The following CHAC2 variants were observed in gnomAD, a reference collection of about 807,000 sequenced individuals.
CHAC2 encodes ChaC glutathione specific gamma-glutamylcyclotransferase 2.
Under a neutral mutation model 16.9 loss-of-function variants are expected in CHAC2, and 20 were observed. That is an observed-to-expected ratio of 1.18 (90% CI 0.83 to 1.72). CHAC2 has a LOEUF of 1.72. Ranked by LOEUF, CHAC2 falls within the 40% of genes most tolerant of loss-of-function variation. The pLI is 0.00. For synonymous variants in CHAC2, 91 were observed against 77.3 expected (o/e 1.18, Z -0.93); for missense variants, 269 against 222.2 (o/e 1.21, Z -1.34).
intron 2 of CHAC2, among the ~76,000 whole-genome samples, 182 bp from the exon 3 acceptor site, chr2:53,773,960 G>A (rs908840361): frequency 1.2e-4 from 19 of 152,050 alleles, no homozygotes; most frequent in Non-Finnish European, 2.1e-4. Context: ...GCTTGAACCC[G>A]GGAGGCTGAG....
rs985376233 is a variant in CHAC2, at chr2:53,767,839, G to A, written c.-48G>A. ...CGGAGGCTTCAGTCCCCGGCGGCGC[G>A]GCGACAGCTAGGGTTCACGGCCACT... is the stretch of plus-strand genomic sequence containing the variant. On this transcript the variant is annotated 5_prime_UTR_variant, in exon 1 of 3. Transcript: ENST00000295304. 1.6e-5 allele frequency: 25 copies of A among 1,562,136 alleles called. No homozygotes were observed. In the East Asian group the frequency reaches 5.9e-4, roughly 37 times the overall value.
intron 1 of CHAC2, 61 bp from the exon 2 acceptor site, chr2:53,771,846 G>T: frequency 1.1e-6 from 1 of 889,702 alleles, no homozygotes; most frequent in Non-Finnish European, 1.8e-6. Context: ...TGTTGCTAAT[G>T]CTCAGCTACT....
At chr2:53,771,419 G>A (rs781681441) in intron 1 of CHAC2, among the ~76,000 whole-genome samples, 132 of 152,222 alleles carry the variant, frequency 8.7e-4, no homozygotes, top group Non-Finnish European at 1.7e-3. Context: ...AGGCTGAGGT[G>A]AGAGAATTGC....
intron 2 of CHAC2, among the ~76,000 whole-genome samples, 183 bp from the exon 3 acceptor site, chr2:53,773,959 C>T (rs1235144755): frequency 6.6e-6 from 1 of 152,016 alleles, no homozygotes; most frequent in Admixed American, 6.5e-5. Context: ...AGCTTGAACC[C>T]GGGAGGCTGA....
At chr2:53,774,083 T>C in intron 2 of CHAC2, 59 bp from the exon 3 acceptor site, 1 of 1,477,514 alleles carries the variant, frequency 6.8e-7, no homozygotes, top group Non-Finnish European at 9.1e-7. Context: ...ATCACAACCT[T>C]TCTTCACCTA....
At position 53,774,997 on chromosome 2, in the gene CHAC2, CTTAA is replaced by C. The variant is rs1418379494; in HGVS notation, c.*475_*478del. ...ACAATAATATGAACAGTATTTCAGC[CTTAA>C]TTGTGAATTTCCTTGTTATTCAAGT... On this transcript the variant is annotated 3_prime_UTR_variant, in exon 3 of 3. Coordinates refer to ENST00000295304, the MANE Select transcript of CHAC2 (RefSeq NM_001008708.4). The C allele has an allele frequency of 2.0e-5, 3 of 152,754 alleles. No homozygotes were observed. Among genetic ancestry groups the C allele is most frequent in the East Asian group, 1.9e-4 (1 of 5,194 alleles). The allele number at this position is 152,754 out of a possible 1,614,324, so 9.5% of individuals were successfully genotyped here.
rs1480615434 is a variant in CHAC2, at chr2:53,767,869, C to G, written c.-18C>G. ...CAGCTAGGGTTCACGGCCACTGGGG[C>G]AGAGGAGCCGCGAGAAGATGTGGGT... On this transcript the variant is annotated 5_prime_UTR_variant, in exon 1 of 3. Coordinates refer to ENST00000295304, the MANE Select transcript of CHAC2 (RefSeq NM_001008708.4). 6.3e-6 allele frequency: 10 copies of G among 1,596,646 alleles called. No individual in the cohort carries two copies. Among genetic ancestry groups the G allele is most frequent in the Non-Finnish European group, 8.5e-6 (10 of 1,171,736 alleles).
chr2:53,767,786 C>CGCCCCGCGCGGCCGGTAAG (rs1284309244), upstream of CHAC2: 18 of 1,460,328 alleles, frequency 1.2e-5, no homozygotes, highest in Non-Finnish European at 1.1e-5. Flanking sequence ...ATCGCGCCTG[C>CGCCCCGCGCGGCCGGTAAG]GCCCCGCGCG....
upstream of CHAC2, chr2:53,767,803 T>TA (rs1411939280): frequency 6.6e-7 from 1 of 1,513,714 alleles, no homozygotes; most frequent in Admixed American, 2.1e-5. Flanking sequence ...CGCGGCCGGT[T>TA]ACTCGCTTAC....
rs765244986 is a variant in CHAC2, at chr2:53,767,988, G to A, written c.102G>A (p.Gln34=). The A allele has an allele frequency of 1.9e-6, 3 of 1,611,504 alleles. No homozygotes were observed. Among genetic ancestry groups the A allele is most frequent in the Non-Finnish European group, 2.5e-6 (3 of 1,177,692 alleles). ...YITNYSRRFW[Q]GSTDHRGVPG... ...CCAACTACAGCAGGCGCTTCTGGCA[G>A]GGCAGCACGGACCACCGCGGGGTCC... The change falls in exon 1 of 3, where the codon CAG becomes CAA. Residue 34 remains glutamine (Q), a synonymous_variant. Coordinates refer to ENST00000295304, the MANE Select transcript of CHAC2 (RefSeq NM_001008708.4).
chr2:53,771,069 T>TA (rs1380358788), intron 1 of CHAC2, among the ~76,000 whole-genome samples: 43 of 152,308 alleles, frequency 2.8e-4, no homozygotes, highest in Non-Finnish European at 1.5e-4. Context: ...TGCAAATTCT[T>TA]AGACAGCTCC....
chr2:53,774,157 GTTGCTTACAGA>G lies in CHAC2; in HGVS notation c.192_202del (p.Tyr65SerfsTer12). On this transcript the variant is annotated frameshift_variant, in exon 3 of 3. Transcript: ENST00000295304. LOFTEE classifies it high-confidence loss of function. ...TTTTCAACAGGGATGTGTATGGGGT[GTTGCTTACAGA>G]TTGCCAGTAGGAAAGGAAGAAGAAG... The G allele has an allele frequency of 6.2e-7, 1 of 1,608,616 alleles. No individual in the cohort carries two copies. The highest frequency in any genetic ancestry group is 8.5e-7 in the Non-Finnish European group (1 of 1,177,732).
At chr2:53,768,157 C>T in intron 1 of CHAC2, 136 bp downstream of exon 1, 2 of 1,043,974 alleles carry the variant, frequency 1.9e-6, no homozygotes, top group South Asian at 3.6e-5. Context: ...GGTAACATTT[C>T]TGTAGATTTT....
chr2:53,769,098 G>T (rs1673707778), intron 1 of CHAC2, among the ~76,000 whole-genome samples: 1 of 152,208 alleles, frequency 6.6e-6, no homozygotes, highest in Non-Finnish European at 1.5e-5. Context: ...AGGGGCAATG[G>T]CTTAGGATAA....
rs867036793 is a variant in CHAC2, at chr2:53,774,628, C to G, written c.*103C>G. Reference sequence around the variant, plus strand: ...TAATGTAGTGAGGATATTATTTAAACTTTTATTTTAACTGGAAATGTCCTG... The same window carrying G: ...TAATGTAGTGAGGATATTATTTAAAGTTTTATTTTAACTGGAAATGTCCTG... On this transcript the variant is annotated 3_prime_UTR_variant, in exon 3 of 3. Coordinates refer to ENST00000295304, the MANE Select transcript of CHAC2 (RefSeq NM_001008708.4). 3.6e-6 allele frequency: 3 copies of G among 843,092 alleles called. No homozygotes were observed. Among genetic ancestry groups the G allele is most frequent in the South Asian group, 5.9e-5 (2 of 33,926 alleles). 52.2% of individuals were successfully genotyped at this position (843,092 alleles called of 1,614,324 possible).
intron 1 of CHAC2, 33 bp downstream of exon 1, chr2:53,768,054 C>A (rs763972378): frequency 1.2e-6 from 2 of 1,607,494 alleles, no homozygotes; most frequent in African/African-American, 1.3e-5. Flanking sequence ...ACACTTACTG[C>A]CCCCTGACCC....
At chr2:53,773,524 G>A (rs922960143) in intron 2 of CHAC2, among the ~76,000 whole-genome samples, 6 of 152,106 alleles carry the variant, frequency 3.9e-5, no homozygotes, top group Admixed American at 1.3e-4. Flanking sequence ...TCTGCCACCC[G>A]GGTTCAAGCA....
At position 53,767,992 on chromosome 2, in the gene CHAC2, A is replaced by C. The variant is rs1673606427; in HGVS notation, c.106A>C (p.Ser36Arg). ...CTACAGCAGGCGCTTCTGGCAGGGCAGCACGGACCACCGCGGGGTCCCCGG... is the reference window on the plus strand; with the variant it reads ...CTACAGCAGGCGCTTCTGGCAGGGCCGCACGGACCACCGCGGGGTCCCCGG... ...TNYSRRFWQG[S>R]TDHRGVPGKP... Residue 36 changes from serine to arginine, a missense_variant, in exon 1 of 3, where the codon AGC becomes CGC. Ser to Arg is a moderately radical substitution (Grantham distance 110). Coordinates refer to ENST00000295304, the MANE Select transcript of CHAC2 (RefSeq NM_001008708.4). 2.5e-6 allele frequency: 4 copies of C among 1,611,336 alleles called. No homozygotes were observed. The Admixed American group carries it at 5.0e-5, about 20-fold the overall frequency.
chr2:53,770,498 T>TA lies in CHAC2; in HGVS notation c.136-1384dup, dbSNP rs76201682. Among the ~76,000 whole-genome samples, 599 of 110,454 alleles carry TA rather than the reference T, an allele frequency of 5.4e-3. 2 individuals carry two copies. The highest frequency in any genetic ancestry group is 0.016 in the South Asian group (55 of 3,348). The allele number at this position is 110,454 out of a possible 152,430, so 72.5% of individuals were successfully genotyped here. A position where few individuals can be genotyped will look rare whatever the true frequency, so the allele number is the denominator to read the frequency against. Reference sequence around the variant, plus strand: ...TGGTACTCCGTGGACGAAGTTTATTTAAAAAAAAAAAAAAAAAAAAAAAAA... The same window carrying TA: ...TGGTACTCCGTGGACGAAGTTTATTTAAAAAAAAAAAAAAAAAAAAAAAAAA... On this transcript the variant is annotated intron_variant, in intron 1 of 2. Transcript: ENST00000295304.
Sources: allele counts gnomAD v4.1 joint callset (sites outside exome capture counted in the v4.1 genomes callset), GRCh38; gene constraint gnomAD v4.1.1; transcripts MANE v1.5; gene names NCBI Gene and HGNC (gene_info 2026-07-23, HGNC 2026-07-21).